The following DOK5 variants were observed in gnomAD, a reference collection of about 807,000 sequenced individuals.
The protein encoded by DOK5 is docking protein 5.
DOK5 carries 27 observed loss-of-function variants against 43.3 expected under a neutral mutation model. The ratio of observed to expected loss-of-function variants is 0.62; its 90% CI spans 0.46 to 0.86. DOK5 has a LOEUF of 0.86. DOK5 is among the 40% of genes least tolerant of loss of function. The probability of loss-of-function intolerance (pLI) is 0.00; values close to 1 mark genes in which losing one functional copy is unlikely to be tolerated. For synonymous variants in DOK5, 146 were observed against 140.1 expected, an observed-to-expected ratio of 1.04 and a Z score of -0.30; for missense variants, 373 against 392.9, an observed-to-expected ratio of 0.95 and a Z score of 0.43.
At chr20:54,556,382 T>G (rs1234932317) in intron 2 of DOK5, among the ~76,000 whole-genome samples, 1 of 152,202 alleles carries the variant, frequency 6.6e-6, no homozygotes, top group Non-Finnish European at 1.5e-5. Flanking sequence ...GAGGAGTTGT[T>G]GAATTGAAAA....
intron 1 of DOK5, among the ~76,000 whole-genome samples, chr20:54,489,747 TG>T (rs979126673): frequency 2.6e-5 from 4 of 152,208 alleles, no homozygotes; most frequent in Admixed American, 2.6e-4. Context: ...ATCTCTTTCA[TG>T]GAACATTGGG....
chr20:54,636,891 A>C (rs1978849816), intron 6 of DOK5, among the ~76,000 whole-genome samples: 1 of 152,200 alleles, frequency 6.6e-6, no homozygotes, highest in African/African-American at 2.4e-5. Flanking sequence ...GAGACAATTA[A>C]ATTTCAACAG....
intron 4 of DOK5, among the ~76,000 whole-genome samples, chr20:54,589,466 A>G (rs16999816): frequency 0.015 from 2,325 of 152,330 alleles, 66 homozygotes; most frequent in African/African-American, 0.053. Flanking sequence ...GGAATCAATA[A>G]TTTAAAATAA....
intron 1 of DOK5, among the ~76,000 whole-genome samples, chr20:54,553,629 G>T (rs1984607281): frequency 6.8e-6 from 1 of 147,830 alleles, no homozygotes; most frequent in African/African-American, 2.5e-5. Flanking sequence ...GGGCGCGGTG[G>T]CTCACGTCTG....
At chr20:54,561,133 A>G (rs1232077997) in intron 2 of DOK5, among the ~76,000 whole-genome samples, 1 of 152,060 alleles carries the variant, frequency 6.6e-6, no homozygotes. Flanking sequence ...TCAATCCCTC[A>G]AAGTCTCTGC....
chr20:54,534,105 A>T (rs1368035905), intron 1 of DOK5, among the ~76,000 whole-genome samples: 1 of 152,242 alleles, frequency 6.6e-6, no homozygotes, highest in African/African-American at 2.4e-5. Flanking sequence ...GGTGGTAAAG[A>T]TTCGTTTTTG....
At chr20:54,571,614 T>G (rs1985283860) in intron 2 of DOK5, among the ~76,000 whole-genome samples, 1 of 151,972 alleles carries the variant, frequency 6.6e-6, no homozygotes, top group Non-Finnish European at 1.5e-5. Context: ...CTTCAGACAT[T>G]GCCAAGTATC....
intron 7 of DOK5, among the ~76,000 whole-genome samples, chr20:54,649,429 A>C (rs1568829723): frequency 6.6e-6 from 1 of 152,172 alleles, no homozygotes; most frequent in Non-Finnish European, 1.5e-5. Flanking sequence ...ATAAAATAAA[A>C]TAAAATAAAA....
intron 1 of DOK5, among the ~76,000 whole-genome samples, chr20:54,527,337 C>T (rs960505130): frequency 1.3e-5 from 2 of 152,080 alleles, no homozygotes; most frequent in East Asian, 1.9e-4. Flanking sequence ...ACATTTCAAG[C>T]GTACATTCAT....
At chr20:54,584,581 A>G (rs1426425974) in intron 2 of DOK5, among the ~76,000 whole-genome samples, 1 of 151,120 alleles carries the variant, frequency 6.6e-6, no homozygotes, top group African/African-American at 2.4e-5. Context: ...CTGTTTATAC[A>G]ATATTCGTAA....
At chr20:54,609,107 C>T (rs549639717) in intron 5 of DOK5, among the ~76,000 whole-genome samples, 12 of 152,146 alleles carry the variant, frequency 7.9e-5, no homozygotes, top group Non-Finnish European at 1.0e-4. Context: ...GGTACTGGGC[C>T]AACTGCGAAA....
chr20:54,539,442 T>G (rs547497814), intron 1 of DOK5, among the ~76,000 whole-genome samples: 122 of 152,254 alleles, frequency 8.0e-4, no homozygotes, highest in African/African-American at 2.8e-3. Context: ...GTATCCTGAC[T>G]GTATTATACT....
intron 2 of DOK5, among the ~76,000 whole-genome samples, chr20:54,582,965 T>A (rs901430942): frequency 6.6e-6 from 1 of 151,970 alleles, no homozygotes; most frequent in African/African-American, 2.4e-5. Context: ...TTAGGTTGTT[T>A]ACTTGAGGTA....
At chr20:54,632,114 A>G (rs1303393284) in intron 6 of DOK5, among the ~76,000 whole-genome samples, 2 of 152,226 alleles carry the variant, frequency 1.3e-5, no homozygotes, top group African/African-American at 2.4e-5. Flanking sequence ...AACTCCCTGC[A>G]GGGGTCGTGG....
intron 1 of DOK5, among the ~76,000 whole-genome samples, chr20:54,483,286 C>T (rs972429316): frequency 1.3e-5 from 2 of 152,118 alleles, no homozygotes; most frequent in African/African-American, 4.8e-5. Flanking sequence ...ATTTTTAAAG[C>T]AGCTTTGTAA....
chr20:54,560,340 T>C (rs543222340), intron 2 of DOK5, among the ~76,000 whole-genome samples: 9 of 152,292 alleles, frequency 5.9e-5, no homozygotes, highest in Non-Finnish European at 1.2e-4. Context: ...TTCTAGAAGT[T>C]TCCTAAGCTT....
At chr20:54,627,809 C>G (rs1194161961) in intron 6 of DOK5, among the ~76,000 whole-genome samples, 2 of 152,154 alleles carry the variant, frequency 1.3e-5, no homozygotes, top group African/African-American at 4.8e-5. Flanking sequence ...ATGCTGAGGT[C>G]GCTAGACCAG....
chr20:54,528,073 T>C (rs1258466671), intron 1 of DOK5, among the ~76,000 whole-genome samples: 1 of 151,810 alleles, frequency 6.6e-6, no homozygotes, highest in African/African-American at 2.4e-5. Context: ...TTGGGCGTGA[T>C]GGTAGGCGCC....
intron 1 of DOK5, among the ~76,000 whole-genome samples, chr20:54,548,700 G>T (rs1984427924): frequency 6.6e-6 from 1 of 152,168 alleles, no homozygotes; most frequent in African/African-American, 2.4e-5. Flanking sequence ...AAAGACAGTT[G>T]AATGAATTAA....
Sources: allele counts gnomAD v4.1 joint callset (sites outside exome capture counted in the v4.1 genomes callset), GRCh38; gene constraint gnomAD v4.1.1; transcripts MANE v1.5; gene names NCBI Gene and HGNC (gene_info 2026-07-23, HGNC 2026-07-21).